Variants in ROBO2 observed in about 807,000 individuals in gnomAD.
ROBO2 encodes roundabout guidance receptor 2.
Under a neutral mutation model 160.8 loss-of-function variants are expected in ROBO2, and 53 were observed. The ratio of observed to expected loss-of-function variants is 0.33; its 90% confidence interval spans 0.26 to 0.41. The LOEUF is 0.41. Among genes scored for constraint, ROBO2 ranks in the 10% least tolerant of loss-of-function variants. The pLI is 1.00. For missense variants in ROBO2, 1,577 were observed against 1,722.4 expected (o/e 0.92, Z 1.49); for synonymous variants, 664 against 611.7 (o/e 1.09, Z -1.26).
intron 2 of ROBO2, among the ~76,000 whole-genome samples, chr3:76,066,501 T>C (rs1382802742): frequency 6.6e-6 from 1 of 152,092 alleles, no homozygotes; most frequent in Non-Finnish European, 1.5e-5. Context: ...GACATAAGAC[T>C]AATAAGTTTT....
intron 2 of ROBO2, among the ~76,000 whole-genome samples, chr3:77,200,143 A>T (rs1307666699): frequency 6.7e-6 from 1 of 150,254 alleles, no homozygotes; most frequent in Non-Finnish European, 1.5e-5. Flanking sequence ...TTGAAAGAAG[A>T]TTGCATTTGG....
intron 9 of ROBO2, among the ~76,000 whole-genome samples, chr3:77,559,919 T>C (rs1425775305): frequency 1.3e-5 from 2 of 152,104 alleles, no homozygotes; most frequent in African/African-American, 4.8e-5. Context: ...AGCCTGTCTT[T>C]TTATTGATTG....
intron 2 of ROBO2, among the ~76,000 whole-genome samples, chr3:76,866,392 T>C (rs1236261530): frequency 1.3e-5 from 2 of 152,186 alleles, no homozygotes; most frequent in Non-Finnish European, 2.9e-5. Context: ...CTTCATCTAT[T>C]TGTTAAAATG....
chr3:76,056,583 A>C (rs2067856240), intron 2 of ROBO2, among the ~76,000 whole-genome samples: 1 of 152,182 alleles, frequency 6.6e-6, no homozygotes, highest in Non-Finnish European at 1.5e-5. Flanking sequence ...AAAAAAGAAA[A>C]AGAAAAGAAA....
rs1166858558 is a variant in ROBO2 at position 76,305,387 on chromosome 3, C to CAAAAAAA, written c.109+367816_109+367822dup. On this transcript the variant is annotated intron_variant, in intron 2 of 26. Coordinates refer to the ROBO2 transcript ENST00000487694. ...GCCTGGGTGACAGAGCAAGATCTGT[C>CAAAAAAA]AAAAAAAAAAAAAAAAAAAAAAAAA... Among the ~76,000 whole-genome samples, 5 of 20,686 alleles carry CAAAAAAA rather than the reference C, an allele frequency of 2.4e-4. 1 individual carries two copies. Among genetic ancestry groups the CAAAAAAA allele is most frequent in the East Asian group, 5.4e-3 (2 of 368 alleles). The allele number at this position is 20,686 out of a possible 152,430, so 13.6% of individuals were successfully genotyped here. A position where few individuals can be genotyped will look rare whatever the true frequency, so the allele number is the denominator to read the frequency against.
intron 2 of ROBO2, among the ~76,000 whole-genome samples, chr3:76,741,361 T>G (rs986819062): frequency 6.6e-6 from 1 of 152,124 alleles, no homozygotes; most frequent in African/African-American, 2.4e-5. Context: ...TTAAGTAAGT[T>G]TTATGTGCTC....
Position 77,480,081 on chromosome 3 carries a change from C to G in ROBO2, c.547-1018C>G, listed in dbSNP as rs538483697. Among the ~76,000 whole-genome samples, 7 of 152,196 alleles carry G rather than the reference C, an allele frequency of 4.6e-5. No homozygotes were observed. The South Asian group carries it at 1.5e-3, about 32-fold the overall frequency. On this transcript the variant is annotated intron_variant, in intron 3 of 25. Coordinates refer to ENST00000461745, the Ensembl canonical transcript of ROBO2. ...TTATTCTACCAGACAGAATTGAGAA[C>G]AGGTTAATGGTCTTTTTCACCTATG...
chr3:77,196,505 T>A (rs1322009439), intron 2 of ROBO2, among the ~76,000 whole-genome samples: 1 of 99,042 alleles, frequency 1.0e-5, no homozygotes, highest in Non-Finnish European at 2.6e-5. Flanking sequence ...AGGGCATCTT[T>A]TTTTTTTCCA....
intron 2 of ROBO2, among the ~76,000 whole-genome samples, chr3:77,222,459 CT>C (rs2085949626): frequency 6.6e-6 from 1 of 152,018 alleles, no homozygotes; most frequent in South Asian, 2.1e-4. Flanking sequence ...AGATGAAAGA[CT>C]TTTTCAGAAG....
chr3:76,024,748 G>A (rs1222469532), intron 2 of ROBO2, among the ~76,000 whole-genome samples: 4 of 151,326 alleles, frequency 2.6e-5, no homozygotes, highest in Admixed American at 6.6e-5. Context: ...TTGATAGCTC[G>A]GTTGGAAATG....
At chr3:76,911,776 C>T (rs1431074087) in intron 2 of ROBO2, among the ~76,000 whole-genome samples, 1 of 149,574 alleles carries the variant, frequency 6.7e-6, no homozygotes, top group East Asian at 1.9e-4. Context: ...ATAAGATTTC[C>T]AAAAAGACAA....
chr3:76,092,391 A>T (rs1218704180), intron 2 of ROBO2, among the ~76,000 whole-genome samples: 2 of 152,182 alleles, frequency 1.3e-5, no homozygotes, highest in African/African-American at 2.4e-5. Context: ...TCTTGATTCT[A>T]AATAGCTAAC....
At chr3:76,492,875 T>A (rs1255398279) in intron 2 of ROBO2, among the ~76,000 whole-genome samples, 2 of 152,186 alleles carry the variant, frequency 1.3e-5, no homozygotes, top group Non-Finnish European at 2.9e-5. Context: ...ATAACGATTT[T>A]AAATAGTAGT....
Position 77,250,290 on chromosome 3 carries a change from A to G in ROBO2, c.388+151950A>G, listed in dbSNP as rs982069222. Among the ~76,000 whole-genome samples, 6 of 152,170 alleles carry G rather than the reference A, an allele frequency of 3.9e-5. No individual in the cohort carries two copies. In the East Asian group the frequency reaches 1.2e-3, roughly 29 times the overall value. Reference sequence around the variant, plus strand: ...GACCCTAAGGCTACCTGGTAAGATCATTTTGAGGATTCCGTCTGGTATTGT... The same window carrying G: ...GACCCTAAGGCTACCTGGTAAGATCGTTTTGAGGATTCCGTCTGGTATTGT... On this transcript the variant is annotated intron_variant, in intron 2 of 25. Transcript: ENST00000461745.
chr3:76,934,752 A>ACAAAAC (rs964302305), intron 2 of ROBO2, among the ~76,000 whole-genome samples: 12 of 151,762 alleles, frequency 7.9e-5, no homozygotes, highest in Admixed American at 7.9e-4. Flanking sequence ...AAAAACAAAA[A>ACAAAAC]CAAAAGCAAG....
intron 6 of ROBO2, 73 bp downstream of exon 6, chr3:77,522,975 CGAT>C: frequency 6.5e-7 from 1 of 1,548,882 alleles, no homozygotes; most frequent in Non-Finnish European, 8.9e-7. Context: ...AGTGAACTTA[CGAT>C]CAAAATAATG....
intron 2 of ROBO2, among the ~76,000 whole-genome samples, chr3:76,455,025 G>T (rs1348314129): frequency 6.6e-6 from 1 of 151,946 alleles, no homozygotes; most frequent in Non-Finnish European, 1.5e-5. Flanking sequence ...GGTCCAACTA[G>T]GTAAAATAAA....
chr3:76,653,309 A>G (rs1443633540), intron 2 of ROBO2, among the ~76,000 whole-genome samples: 1 of 151,656 alleles, frequency 6.6e-6, no homozygotes, highest in Non-Finnish European at 1.5e-5. Flanking sequence ...AATGTGAAGT[A>G]ACTACCTTAT....
chr3:76,362,067 TAAG>T (rs1252290256), intron 2 of ROBO2, among the ~76,000 whole-genome samples: 3 of 152,196 alleles, frequency 2.0e-5, no homozygotes, highest in Middle Eastern at 3.4e-3. Context: ...TATATAAACT[TAAG>T]AAAGTGAATA....
Sources: allele counts gnomAD v4.1 joint callset (sites outside exome capture counted in the v4.1 genomes callset), GRCh38; gene constraint gnomAD v4.1.1; transcripts MANE v1.5; gene names NCBI Gene and HGNC (gene_info 2026-07-23, HGNC 2026-07-21).